Variants in PADI3 observed in about 807,000 individuals in gnomAD.
PADI3 encodes the protein peptidyl arginine deiminase 3, also known as protein-arginine deiminase type-3.
A neutral mutation model predicts 71.5 loss-of-function variants in PADI3; 53 were observed. That is an observed-to-expected ratio of 0.74 (90% CI 0.59 to 0.93). The LOEUF (loss-of-function observed/expected upper bound fraction) is 0.93. Among genes scored for constraint, PADI3 ranks in the 40% least tolerant of loss-of-function variants. The pLI, the probability that PADI3 is intolerant of heterozygous loss-of-function variation, is 0.00. For synonymous variants in PADI3, 361 were observed against 347.5 expected, an observed-to-expected ratio of 1.04 and a Z score of -0.43; for missense variants, 821 against 868.0, an observed-to-expected ratio of 0.95 and a Z score of 0.68.
chr1:17,250,673 G>A (rs2072955343), intron 1 of PADI3, among the ~76,000 whole-genome samples: 1 of 152,178 alleles, frequency 6.6e-6, no homozygotes, highest in African/African-American at 2.4e-5. Flanking sequence ...CACGGAGGCT[G>A]TGCCAAGGAG....
At chr1:17,257,919 G>C (rs1486803458) in intron 1 of PADI3, among the ~76,000 whole-genome samples, 1 of 152,200 alleles carries the variant, frequency 6.6e-6, no homozygotes. Context: ...GCCGTGATAA[G>C]AGTGCAGAGG....
intron 13 of PADI3, among the ~76,000 whole-genome samples, chr1:17,278,232 A>G (rs957176403): frequency 1.3e-5 from 2 of 152,068 alleles, no homozygotes; most frequent in African/African-American, 2.4e-5. Flanking sequence ...AGGAGCTGGC[A>G]TTTTCTTTTC....
intron 1 of PADI3, among the ~76,000 whole-genome samples, chr1:17,257,276 C>T (rs1167160094): frequency 6.6e-6 from 1 of 152,212 alleles, no homozygotes; most frequent in Non-Finnish European, 1.5e-5. Context: ...TCTGCCATTT[C>T]CCCTGTGGGG....
chr1:17,280,326 C>T, intron 13 of PADI3, 24 bp from the exon 14 acceptor site: 1 of 1,599,824 alleles, frequency 6.3e-7, no homozygotes, highest in Non-Finnish European at 8.6e-7. Context: ...CCCTGTCCTT[C>T]TCTTTCATCT....
chr1:17,267,231 A>T (rs1336931161), intron 5 of PADI3, among the ~76,000 whole-genome samples: 1 of 151,740 alleles, frequency 6.6e-6, no homozygotes, highest in Non-Finnish European at 1.5e-5. Flanking sequence ...AAGCCAGGAG[A>T]CTCCCTGAAG....
chr1:17,266,678 C>A, intron 4 of PADI3, 41 bp from the exon 5 acceptor site: 2 of 1,542,672 alleles, frequency 1.3e-6, no homozygotes, highest in Non-Finnish European at 1.8e-6. Context: ...GCACAGGTCT[C>A]ATCTGAGCCC....
intron 6 of PADI3, among the ~76,000 whole-genome samples, chr1:17,269,495 T>C (rs1022290072): frequency 1.3e-5 from 2 of 152,238 alleles, no homozygotes; most frequent in Admixed American, 6.5e-5. Context: ...CCGTGCCCCA[T>C]GGGTGCACTG....
intron 1 of PADI3, among the ~76,000 whole-genome samples, chr1:17,249,495 T>C (rs1307841321): frequency 2.6e-5 from 4 of 152,108 alleles, no homozygotes; most frequent in African/African-American, 9.7e-5. Flanking sequence ...AGGGGGCTGG[T>C]GCCGCGAAGA....
rs200989099 is a variant in PADI3, at chr1:17,259,663, C to T, written c.178C>T (p.Arg60Trp). 18 of 1,613,758 alleles carry T rather than the reference C, an allele frequency of 1.1e-5. No individual in the cohort carries two copies. The East Asian group carries it at 2.0e-4, about 18-fold the overall frequency. ...CATCTCTCCCAACATGGAGAGGGGCCGGGAGCGTGCAGACACCAGGCGGTG... is the reference window on the plus strand; with the variant it reads ...CATCTCTCCCAACATGGAGAGGGGCTGGGAGCGTGCAGACACCAGGCGGTG... ...IYISPNMERG[R>W]ERADTRRWRF... is the part of the protein sequence containing the mutation. The change falls in exon 2 of 16, where the codon CGG becomes TGG. Residue 60 changes from arginine to tryptophan, a missense_variant. By Grantham distance (101) the Arg-to-Trp change is moderately radical. Coordinates refer to ENST00000375460, the MANE Select transcript of PADI3 (RefSeq NM_016233.2).
intron 1 of PADI3, among the ~76,000 whole-genome samples, chr1:17,252,694 G>A (rs998943346): frequency 2.0e-5 from 3 of 152,202 alleles, no homozygotes; most frequent in South Asian, 2.1e-4. Context: ...GAGAGCCACC[G>A]TGTCTGGCCC....
intron 2 of PADI3, among the ~76,000 whole-genome samples, chr1:17,260,117 C>G (rs2073085332): frequency 6.6e-6 from 1 of 152,128 alleles, no homozygotes; most frequent in Non-Finnish European, 1.5e-5. Context: ...AGTTGGGTCT[C>G]AGTTTCCCCA....
chr1:17,264,938 G>A (rs563782063), intron 3 of PADI3, among the ~76,000 whole-genome samples: 2 of 151,550 alleles, frequency 1.3e-5, no homozygotes, highest in African/African-American at 2.4e-5. Flanking sequence ...GAGCCCAGGA[G>A]GCAGAGGTTG....
chr1:17,265,640 C>G lies in PADI3; in HGVS notation c.347-19C>G. On this transcript the variant is annotated intron_variant, in intron 3 of 15. Transcript: ENST00000375460. ...TCCTGGGAACCTTGTAGTGACTTAC[C>G]CTCTGCCTCCTCTTGCAGACATCTC... The G allele has an allele frequency of 1.9e-6, 3 of 1,613,092 alleles. No individual in the cohort carries two copies. Among genetic ancestry groups the G allele is most frequent in the Non-Finnish European group, 2.5e-6 (3 of 1,179,078 alleles).
intron 11 of PADI3, among the ~76,000 whole-genome samples, chr1:17,276,171 G>C (rs1208616563): frequency 6.6e-6 from 1 of 152,030 alleles, no homozygotes; most frequent in Non-Finnish European, 1.5e-5. Flanking sequence ...CCCATCTCTA[G>C]TAAAAATACA....
At chr1:17,272,780 G>A (rs1285671164) in intron 9 of PADI3, among the ~76,000 whole-genome samples, 10 of 152,162 alleles carry the variant, frequency 6.6e-5, no homozygotes. Context: ...TTATAGGTGT[G>A]AGCCACCGTG....
chr1:17,282,684 G>T (rs892517488), intron 15 of PADI3, among the ~76,000 whole-genome samples, 162 bp from the exon 16 acceptor site: 1 of 152,212 alleles, frequency 6.6e-6, no homozygotes, highest in African/African-American at 2.4e-5. Flanking sequence ...CTGGCTAACC[G>T]GTTCTTCCCA....
intron 1 of PADI3, among the ~76,000 whole-genome samples, chr1:17,254,956 T>G (rs2073010297): frequency 6.6e-6 from 1 of 151,992 alleles, no homozygotes; most frequent in South Asian, 2.1e-4. Context: ...CCTCAGGTGA[T>G]CCACCCTCCT....
chr1:17,267,730 G>A (rs775478090), intron 5 of PADI3, 107 bp from the exon 6 acceptor site: 210 of 1,321,568 alleles, frequency 1.6e-4, no homozygotes, highest in Non-Finnish European at 2.0e-4. Flanking sequence ...AGGGCTGGGA[G>A]ACCCAGGTCT....
chr1:17,251,671 C>T (rs2072967717), intron 1 of PADI3, among the ~76,000 whole-genome samples: 1 of 152,218 alleles, frequency 6.6e-6, no homozygotes, highest in Non-Finnish European at 1.5e-5. Context: ...GGATGTAACC[C>T]AGTTTGGCCT....
Sources: gnomAD v4.1 joint callset for allele counts (sites outside exome capture counted in the v4.1 genomes callset) on GRCh38, gnomAD v4.1.1 for gene constraint, MANE v1.5 for transcripts, NCBI Gene and HGNC (gene_info 2026-07-23, HGNC 2026-07-21) for gene names.